ITSN1: variants seen among roughly 807,000 people sequenced by gnomAD.
The protein encoded by ITSN1 is intersectin 1.
ITSN1 carries 58 observed loss-of-function variants against 239.8 expected under a neutral mutation model. The observed-to-expected ratio is 0.24, with a 90% confidence interval of 0.20 to 0.30. ITSN1 has a LOEUF of 0.30. Ranked by LOEUF, ITSN1 falls within the 10% of genes least tolerant of loss-of-function variation. The pLI, the probability that ITSN1 is intolerant of heterozygous loss-of-function variation, is 1.00. For synonymous variants in ITSN1, 780 were observed against 770.8 expected, an observed-to-expected ratio of 1.01 and a Z score of -0.20; for missense variants, 1,558 against 2,103.3, an observed-to-expected ratio of 0.74 and a Z score of 5.07.
chr21:33,809,076 CA>C (rs1388047661), intron 20 of ITSN1, among the ~76,000 whole-genome samples: 1 of 152,106 alleles, frequency 6.6e-6, no homozygotes, highest in Non-Finnish European at 1.5e-5. Context: ...AAAGAAGATC[CA>C]AATGGGGGAA....
In ITSN1 at chr21:33,680,625, G is replaced by A. The variant is rs568536924; in HGVS notation, c.-33+37912G>A. 7.0e-4 allele frequency among the ~76,000 whole-genome samples: 107 copies of A among 152,284 alleles called. 2 individuals carry two copies. In the South Asian group the frequency reaches 0.02, roughly 29 times the overall value. Reference sequence around the variant, plus strand: ...GGATTGCAGGCGTGAGCCGATGTGCGTGGCCTGGTGCCATACTTTCTGCAT... The same window carrying A: ...GGATTGCAGGCGTGAGCCGATGTGCATGGCCTGGTGCCATACTTTCTGCAT... On this transcript the variant is annotated intron_variant, in intron 1 of 39. Coordinates refer to ENST00000381318, the MANE Select transcript of ITSN1 (RefSeq NM_003024.3).
At chr21:33,704,923 T>TAAAA (rs55966725) in intron 1 of ITSN1, among the ~76,000 whole-genome samples, 14 of 93,658 alleles carry the variant, frequency 1.5e-4, no homozygotes, top group Admixed American at 2.5e-4. Context: ...CCATCTCTAC[T>TAAAA]AAAAAAAAAA....
At chr21:33,784,799 T>C (rs569085262) in intron 16 of ITSN1, among the ~76,000 whole-genome samples, 1 of 152,352 alleles carries the variant, frequency 6.6e-6, no homozygotes, top group South Asian at 2.1e-4. Context: ...TTTGTAACTT[T>C]AGAGCATGTG....
At chr21:33,762,099 C>G in intron 9 of ITSN1, 113 bp downstream of exon 9, 5 of 792,968 alleles carry the variant, frequency 6.3e-6, no homozygotes, top group Non-Finnish European at 1.1e-5. Flanking sequence ...GTAGAATTTG[C>G]TTAATTTCAG....
Position 33,788,547 on chromosome 21 carries a change from A to G in ITSN1, c.1825-5794A>G, listed in dbSNP as rs538200155. Reference sequence around the variant, plus strand: ...GGAGTTTGAGACCAGCCTGGCCAACATGGCAAAATCCTGTCTCTACTAAAA... The same window carrying G: ...GGAGTTTGAGACCAGCCTGGCCAACGTGGCAAAATCCTGTCTCTACTAAAA... On this transcript the variant is annotated intron_variant, in intron 16 of 39. Transcript: ENST00000381318. Among the ~76,000 whole-genome samples the G allele has an allele frequency of 1.2e-4, 18 of 152,282 alleles. 1 individual carries two copies. Among genetic ancestry groups the G allele is most frequent in the Admixed American group, 9.8e-4 (15 of 15,302 alleles).
intron 35 of ITSN1, among the ~76,000 whole-genome samples, chr21:33,883,256 A>G (rs1985227620): frequency 6.6e-6 from 1 of 152,222 alleles, no homozygotes; most frequent in African/African-American, 2.4e-5. Context: ...ACCCATATTT[A>G]TCATATTTAT....
At chr21:33,821,145 T>A (rs1421788390) in intron 24 of ITSN1, among the ~76,000 whole-genome samples, 1 of 152,244 alleles carries the variant, frequency 6.6e-6, no homozygotes, top group Non-Finnish European at 1.5e-5. Context: ...ATGAGCATCC[T>A]CATCCAATAG....
Position 33,742,730 on chromosome 21 carries a change from A to G in ITSN1, c.347-7413A>G, listed in dbSNP as rs963293299. Among the ~76,000 whole-genome samples the G allele has an allele frequency of 2.9e-4, 44 of 152,216 alleles. 1 individual carries two copies. Among genetic ancestry groups the G allele is most frequent in the Non-Finnish European group, 1.5e-5 (1 of 68,044 alleles). On this transcript the variant is annotated intron_variant, in intron 5 of 39. Transcript: ENST00000381318. ...AATCAAAATTGAGCAGTATAGGGAC[A>G]TGGATACAAAGGAAAGAGATGGTCC... is the stretch of plus-strand genomic sequence containing the variant.
At chr21:33,722,566 A>C in intron 3 of ITSN1, 22 bp from the exon 4 acceptor site, 1 of 1,527,838 alleles carries the variant, frequency 6.5e-7, no homozygotes, top group Non-Finnish European at 8.7e-7. Flanking sequence ...TTTTCCTGAA[A>C]CTTTTTCTGT....
chr21:33,837,165 C>T (rs999647950), intron 29 of ITSN1: 47 of 1,362,978 alleles, frequency 3.4e-5, no homozygotes, highest in Non-Finnish European at 4.4e-5. Context: ...CTCATTTTAC[C>T]TTAGTTGCAT....
intron 4 of ITSN1, among the ~76,000 whole-genome samples, chr21:33,733,873 G>T (rs1012061070): frequency 1.3e-5 from 2 of 152,138 alleles, no homozygotes; most frequent in African/African-American, 4.8e-5. Flanking sequence ...TCTAAAATGT[G>T]CCAACTTTTA....
chr21:33,690,595 G>A (rs1169737479), intron 1 of ITSN1, among the ~76,000 whole-genome samples: 4 of 143,928 alleles, frequency 2.8e-5, no homozygotes, highest in East Asian at 4.1e-4. Flanking sequence ...GCGAGACTCC[G>A]TTTCAAAAAA....
chr21:33,823,701 C>G, intron 25 of ITSN1, 48 bp downstream of exon 25: 1 of 1,548,816 alleles, frequency 6.5e-7, no homozygotes, highest in Non-Finnish European at 8.8e-7. Context: ...CGGTGATTCT[C>G]TTTGTGGGGA....
chr21:33,711,303 G>A (rs1333319875), intron 1 of ITSN1, among the ~76,000 whole-genome samples: 3 of 151,414 alleles, frequency 2.0e-5, no homozygotes, highest in African/African-American at 7.3e-5. Context: ...TATCTAGCTC[G>A]AGGTTTGTAA....
intron 29 of ITSN1, among the ~76,000 whole-genome samples, chr21:33,846,866 A>T (rs1347938585): frequency 6.6e-6 from 1 of 152,210 alleles, no homozygotes; most frequent in Non-Finnish European, 1.5e-5. Flanking sequence ...TTCTCATGAA[A>T]AGACCCCAAA....
At chr21:33,643,692 G>A (rs2087663198) in intron 1 of ITSN1, 1 of 152,076 alleles carries the variant, frequency 6.6e-6, no homozygotes, top group Non-Finnish European at 1.5e-5. Flanking sequence ...GTGCTATTCT[G>A]AGGGCAGCAG....
At chr21:33,794,681 C>G (rs2071399085) in intron 17 of ITSN1, among the ~76,000 whole-genome samples, 1 of 152,196 alleles carries the variant, frequency 6.6e-6, no homozygotes, top group Admixed American at 6.5e-5. Context: ...AGAGCTCTCT[C>G]AAGCTACTAC....
intron 1 of ITSN1, among the ~76,000 whole-genome samples, chr21:33,709,448 G>T (rs879902698): frequency 3.9e-5 from 6 of 152,114 alleles, no homozygotes; most frequent in Non-Finnish European, 8.8e-5. Context: ...GGAATTACGG[G>T]CATGTGCCAC....
intron 5 of ITSN1, among the ~76,000 whole-genome samples, chr21:33,738,488 G>A (rs942491127): frequency 7.3e-5 from 11 of 151,642 alleles, no homozygotes; most frequent in African/African-American, 1.2e-4. Flanking sequence ...TGCAACCTCC[G>A]CCTCTCGAGT....
Sources: allele counts gnomAD v4.1 joint callset (sites outside exome capture counted in the v4.1 genomes callset), GRCh38; gene constraint gnomAD v4.1.1; transcripts MANE v1.5; gene names NCBI Gene and HGNC (gene_info 2026-07-23, HGNC 2026-07-21).